The following CEP128 variants were observed in gnomAD, a reference collection of about 807,000 sequenced individuals.
The protein encoded by CEP128 is centrosomal protein 128.
CEP128 carries 132 observed loss-of-function variants against 156.7 expected under a neutral mutation model. The observed-to-expected ratio is 0.84, with a 90% CI of 0.73 to 0.97. The LOEUF (loss-of-function observed/expected upper bound fraction) is 0.97. Among genes scored for constraint, CEP128 ranks in the 50% least tolerant of loss-of-function variants. The probability of loss-of-function intolerance (pLI) is 0.00; values close to 1 mark genes in which losing one functional copy is unlikely to be tolerated. For missense variants in CEP128, 1,252 were observed against 1,281.9 expected, an observed-to-expected ratio of 0.98 and a Z score of 0.36; for synonymous variants, 469 against 448.9, an observed-to-expected ratio of 1.04 and a Z score of -0.57.
At chr14:80,567,566 T>A (rs1245150270) in intron 20 of CEP128, among the ~76,000 whole-genome samples, 1 of 152,204 alleles carries the variant, frequency 6.6e-6, no homozygotes, top group Non-Finnish European at 1.5e-5. Flanking sequence ...TTATTTTCCT[T>A]TAAAATAATC....
chr14:80,557,945 C>A (rs1414428310), intron 21 of CEP128, among the ~76,000 whole-genome samples: 1 of 151,964 alleles, frequency 6.6e-6, no homozygotes, highest in South Asian at 2.1e-4. Flanking sequence ...TTTTATCACT[C>A]TTTATATATC....
At chr14:80,879,293 A>G (rs1351819987) in intron 8 of CEP128, among the ~76,000 whole-genome samples, 2 of 152,188 alleles carry the variant, frequency 1.3e-5, no homozygotes, top group Non-Finnish European at 2.9e-5. Context: ...ATGATAAAGC[A>G]AGGAAATATG....
At chr14:80,737,512 A>G (rs745834713) in intron 19 of CEP128, among the ~76,000 whole-genome samples, 4 of 152,314 alleles carry the variant, frequency 2.6e-5, no homozygotes, top group Non-Finnish European at 4.4e-5. Flanking sequence ...CAATTTATCA[A>G]TTAAAATCAC....
intron 22 of CEP128, chr14:80,527,373 T>C (rs1594950485): frequency 3.6e-6 from 1 of 274,792 alleles, no homozygotes; most frequent in Non-Finnish European, 7.7e-6. Context: ...GAGGCAGAGG[T>C]TGCAGTGAGA....
rs114689466 is a variant in CEP128 at position 80,509,730 on chromosome 14, C to G, written c.3073-4710G>C. Among the ~76,000 whole-genome samples, 1,076 of 152,130 alleles carry G rather than the reference C, an allele frequency of 7.1e-3. 16 individuals are homozygous for G. The highest frequency in any genetic ancestry group is 0.025 in the African/African-American group (1,029 of 41,524). Reference sequence around the variant, plus strand: ...CACGATCCAATATCCTGGAGAGTTTCTTTTTTCTTATAGTAGTTTCATAAT... The same window carrying G: ...CACGATCCAATATCCTGGAGAGTTTGTTTTTTCTTATAGTAGTTTCATAAT... On this transcript the variant is annotated intron_variant, in intron 23 of 24. Coordinates refer to ENST00000555265, the MANE Select transcript of CEP128 (RefSeq NM_152446.5).
intron 19 of CEP128, among the ~76,000 whole-genome samples, chr14:80,606,818 T>C (rs1449387614): frequency 6.6e-6 from 1 of 152,012 alleles, no homozygotes; most frequent in Non-Finnish European, 1.5e-5. Context: ...CTGAACACCA[T>C]GTTATATAAT....
intron 2 of CEP128, among the ~76,000 whole-genome samples, chr14:80,917,494 T>C (rs1031217797): frequency 1.3e-5 from 2 of 152,222 alleles, no homozygotes; most frequent in East Asian, 3.8e-4. Flanking sequence ...TTTTGCTGGC[T>C]GATTAAATAT....
chr14:80,514,687 C>G (rs892673718), intron 23 of CEP128: 5 of 415,804 alleles, frequency 1.2e-5, no homozygotes, highest in African/African-American at 8.2e-5. Flanking sequence ...TCTGAAAGGT[C>G]ACATATTTTT....
chr14:80,660,621 A>C lies in CEP128; in HGVS notation c.2807-80198T>G, dbSNP rs112013294. 2.4e-3 allele frequency among the ~76,000 whole-genome samples: 364 copies of C among 152,320 alleles called. 2 individuals carry two copies. The highest frequency in any genetic ancestry group is 8.4e-3 in the African/African-American group (350 of 41,572). Reference sequence around the variant, plus strand: ...TTGTTGAGTGAAAAGCTTCAATGACAACATTGATTACATATGATTTTCAGG... The same window carrying C: ...TTGTTGAGTGAAAAGCTTCAATGACCACATTGATTACATATGATTTTCAGG... On this transcript the variant is annotated intron_variant, in intron 19 of 24. Transcript: ENST00000555265.
At chr14:80,813,421 AT>A (rs968847917) in intron 13 of CEP128, among the ~76,000 whole-genome samples, 2 of 151,576 alleles carry the variant, frequency 1.3e-5, no homozygotes, top group South Asian at 2.1e-4. Context: ...CTAGTTTATA[AT>A]TTTTTTTCAA....
intron 13 of CEP128, among the ~76,000 whole-genome samples, chr14:80,810,151 G>A (rs1208970085): frequency 1.3e-5 from 2 of 151,172 alleles, no homozygotes; most frequent in Non-Finnish European, 1.5e-5. Context: ...GTGAAACCCC[G>A]TCTTTACTAA....
intron 23 of CEP128, among the ~76,000 whole-genome samples, chr14:80,519,501 AT>A: frequency 6.6e-6 from 1 of 152,194 alleles, no homozygotes; most frequent in East Asian, 1.9e-4. Flanking sequence ...TGTATTTCAG[AT>A]TCCCTGGCAA....
At chr14:80,858,429 A>G (rs1887323503) in intron 9 of CEP128, among the ~76,000 whole-genome samples, 1 of 119,262 alleles carries the variant, frequency 8.4e-6, no homozygotes, top group African/African-American at 3.3e-5. Flanking sequence ...GTTAGACCTA[A>G]AACCATAAAA....
intron 19 of CEP128, among the ~76,000 whole-genome samples, chr14:80,689,997 A>G (rs760112342): frequency 1.3e-5 from 2 of 152,144 alleles, no homozygotes; most frequent in Non-Finnish European, 2.9e-5. Flanking sequence ...AATACTGGAT[A>G]TAAGGCATGG....
chr14:80,633,588 T>A lies in CEP128; in HGVS notation c.2807-53165A>T, dbSNP rs560459929. Among the ~76,000 whole-genome samples the A allele has an allele frequency of 2.0e-5, 3 of 152,314 alleles. No homozygotes were observed. In the South Asian group the frequency reaches 6.2e-4, roughly 32 times the overall value. On this transcript the variant is annotated intron_variant, in intron 19 of 24. Transcript: ENST00000555265. ...ATTTCTCCAACAAGATTTCTAATCT[T>A]AACAATCAGTTCATCTGCCTCTTGC...
intron 23 of CEP128, among the ~76,000 whole-genome samples, chr14:80,509,695 A>G (rs1888153590): frequency 6.6e-6 from 1 of 152,174 alleles, no homozygotes; most frequent in Non-Finnish European, 1.5e-5. Context: ...GGTATTCCTC[A>G]AAGTCTTTGC....
chr14:80,798,069 CA>C (rs34551877), intron 13 of CEP128, among the ~76,000 whole-genome samples: 1 of 151,968 alleles, frequency 6.6e-6, no homozygotes, highest in South Asian at 2.1e-4. Context: ...TAAGCAGTGT[CA>C]AAAAAAGGAA....
chr14:80,933,122 TCA>T (rs1031108816), intron 2 of CEP128, among the ~76,000 whole-genome samples: 34 of 152,120 alleles, frequency 2.2e-4, no homozygotes, highest in African/African-American at 8.2e-4. Context: ...ACAGACAACC[TCA>T]CAGTCAATCC....
chr14:80,487,137 C>T (rs563373376), downstream of CEP128, among the ~76,000 whole-genome samples: 43 of 152,122 alleles, frequency 2.8e-4, no homozygotes, highest in East Asian at 3.9e-3. Flanking sequence ...ACCCATCTCA[C>T]GTGCAGAGAC....
Sources: allele counts gnomAD v4.1 joint callset (sites outside exome capture counted in the v4.1 genomes callset), GRCh38; gene constraint gnomAD v4.1.1; transcripts MANE v1.5; gene names NCBI Gene and HGNC (gene_info 2026-07-23, HGNC 2026-07-21).